Variants in ANXA10 observed in about 807,000 individuals in gnomAD.
ANXA10 encodes annexin 14.
A neutral mutation model predicts 53.5 loss-of-function variants in ANXA10; 49 were observed. The observed-to-expected ratio is 0.92, with a 90% CI of 0.73 to 1.16. The LOEUF (loss-of-function observed/expected upper bound fraction) is 1.16, where lower values mean the gene tolerates loss of function less well. ANXA10 is among the 50% of genes most tolerant of loss of function. The probability of loss-of-function intolerance (pLI) is 0.00; values close to 1 mark genes in which losing one functional copy is unlikely to be tolerated. For synonymous variants in ANXA10, 131 were observed against 128.9 expected (o/e 1.02, Z -0.11); for missense variants, 393 against 394.4 (o/e 1.00, Z 0.03).
chr4:168,107,187 T>A (rs1223848852), intron 1 of ANXA10, among the ~76,000 whole-genome samples: 1 of 152,166 alleles, frequency 6.6e-6, no homozygotes, highest in African/African-American at 2.4e-5. Context: ...ATGGATTTAC[T>A]TGATTACAAA....
At chr4:168,184,880 C>T (rs1012519386) in intron 11 of ANXA10, among the ~76,000 whole-genome samples, 199 bp downstream of exon 11, 1 of 152,124 alleles carries the variant, frequency 6.6e-6, no homozygotes, top group Non-Finnish European at 1.5e-5. Flanking sequence ...CTCAGCTGGG[C>T]GTGGTGGCTA....
intron 3 of ANXA10, among the ~76,000 whole-genome samples, chr4:168,155,645 T>TATATATTATAAATATATATAATTATATA (rs1731611570): frequency 3.3e-5 from 2 of 60,650 alleles, no homozygotes; most frequent in African/African-American, 1.3e-4. Context: ...TATATATAAT[T>TATATATTATAAATATATATAATTATATA]ATACATTATA....
In ANXA10 at chr4:168,143,626, G is replaced by T. The variant is rs557849410; in HGVS notation, c.195+4046G>T. 9.2e-5 allele frequency among the ~76,000 whole-genome samples: 14 copies of T among 152,338 alleles called. No homozygotes were observed. In the East Asian group the frequency reaches 2.7e-3, roughly 29 times the overall value. ...ACCAAGGGAACAATGAAATGCCCTT[G>T]TGAATGGGGAGAAGAATAAACAGAC... On this transcript the variant is annotated intron_variant, in intron 3 of 11. Transcript: ENST00000359299.
chr4:168,153,603 C>G (rs867397311), intron 3 of ANXA10, among the ~76,000 whole-genome samples: 3 of 152,028 alleles, frequency 2.0e-5, no homozygotes, highest in African/African-American at 7.2e-5. Context: ...AACAACCTAA[C>G]TAATCATGTT....
intron 3 of ANXA10, among the ~76,000 whole-genome samples, 156 bp from the exon 4 acceptor site, chr4:168,162,372 T>C (rs950793665): frequency 6.6e-6 from 1 of 152,188 alleles, no homozygotes; most frequent in African/African-American, 2.4e-5. Flanking sequence ...GTTCATCATC[T>C]CATGTAATGC....
At chr4:168,116,495 G>T (rs1730895915) in intron 1 of ANXA10, among the ~76,000 whole-genome samples, 1 of 152,078 alleles carries the variant, frequency 6.6e-6, no homozygotes, top group Non-Finnish European at 1.5e-5. Context: ...CAGAAGTATG[G>T]TGTTTATTAT....
chr4:168,106,063 CA>C (rs1201021632), intron 1 of ANXA10, among the ~76,000 whole-genome samples: 1 of 151,916 alleles, frequency 6.6e-6, no homozygotes, highest in Non-Finnish European at 1.5e-5. Flanking sequence ...GCATAGTTTG[CA>C]AAAGTTTCTC....
At chr4:168,163,593 A>C (rs575348981) in intron 4 of ANXA10, among the ~76,000 whole-genome samples, 8 of 152,312 alleles carry the variant, frequency 5.3e-5, no homozygotes, top group Non-Finnish European at 1.0e-4. Flanking sequence ...GTTTTGATTA[A>C]ACAAGTGTGT....
chr4:168,114,419 T>C (rs936279132), intron 1 of ANXA10, among the ~76,000 whole-genome samples: 2 of 152,238 alleles, frequency 1.3e-5, no homozygotes, highest in Non-Finnish European at 2.9e-5. Flanking sequence ...TTAACAATTA[T>C]CTTACTCATT....
chr4:168,148,938 A>G (rs1578916623), intron 3 of ANXA10, among the ~76,000 whole-genome samples: 1 of 152,094 alleles, frequency 6.6e-6, no homozygotes, highest in Admixed American at 6.5e-5. Flanking sequence ...TTTCCCCTAC[A>G]TCTTTGCAAA....
chr4:168,125,218 T>G (rs1731049304), intron 1 of ANXA10, among the ~76,000 whole-genome samples: 1 of 152,162 alleles, frequency 6.6e-6, no homozygotes, highest in Non-Finnish European at 1.5e-5. Flanking sequence ...GCTCCAAAGT[T>G]AAGTCAATGC....
At chr4:168,138,897 T>C (rs1389440792) in intron 2 of ANXA10, among the ~76,000 whole-genome samples, 1 of 152,172 alleles carries the variant, frequency 6.6e-6, no homozygotes, top group Non-Finnish European at 1.5e-5. Flanking sequence ...CTCAGCTTGA[T>C]TGTTTTTGGT....
At chr4:168,149,695 T>C (rs1731465769) in intron 3 of ANXA10, among the ~76,000 whole-genome samples, 1 of 152,198 alleles carries the variant, frequency 6.6e-6, no homozygotes, top group African/African-American at 2.4e-5. Flanking sequence ...TTCATGATGA[T>C]TTCTCTTCAT....
At chr4:168,108,847 C>G (rs1730757322) in intron 1 of ANXA10, among the ~76,000 whole-genome samples, 1 of 152,158 alleles carries the variant, frequency 6.6e-6, no homozygotes, top group Non-Finnish European at 1.5e-5. Context: ...TTTATGCTGA[C>G]ATCACCACCC....
rs76475184 is a variant in ANXA10 at position 168,098,607 on chromosome 4, G to A, written c.18+5889G>A. ...TCTTCTAAATAGTCTCCAGCTATTT[G>A]TAATACTTTACTCATAGCTTTTGGA... is the stretch of plus-strand genomic sequence containing the variant. On this transcript the variant is annotated intron_variant, in intron 1 of 11. Transcript: ENST00000359299. 4.8e-3 allele frequency among the ~76,000 whole-genome samples: 733 copies of A among 152,194 alleles called. 9 individuals carry two copies. Among genetic ancestry groups the A allele is most frequent in the African/African-American group, 0.016 (675 of 41,526 alleles).
At chr4:168,173,475 G>C (rs1306427565) in intron 6 of ANXA10, among the ~76,000 whole-genome samples, 1 of 152,174 alleles carries the variant, frequency 6.6e-6, no homozygotes, top group Non-Finnish European at 1.5e-5. Context: ...ATTCACAATA[G>C]CTGCTATATT....
At chr4:168,157,333 TCTCGGC>T (rs777417972) in intron 3 of ANXA10, among the ~76,000 whole-genome samples, 4 of 152,212 alleles carry the variant, frequency 2.6e-5, no homozygotes, top group Admixed American at 6.5e-5. Flanking sequence ...AGTGGCATGA[TCTCGGC>T]TCACTGCAAC....
At chr4:168,096,561 C>G (rs546371408) in intron 1 of ANXA10, among the ~76,000 whole-genome samples, 19 of 152,130 alleles carry the variant, frequency 1.2e-4, no homozygotes, top group African/African-American at 4.6e-4. Context: ...GCTGGGCAAA[C>G]ATCACTGTAG....
At chr4:168,160,466 C>CA in intron 3 of ANXA10, among the ~76,000 whole-genome samples, 1 of 152,132 alleles carries the variant, frequency 6.6e-6, no homozygotes, top group Admixed American at 6.6e-5. Flanking sequence ...TATCATTGGG[C>CA]ATTTAGGCTG....
Sources: allele counts gnomAD v4.1 joint callset (sites outside exome capture counted in the v4.1 genomes callset), GRCh38; gene constraint gnomAD v4.1.1; transcripts MANE v1.5; gene names NCBI Gene and HGNC (gene_info 2026-07-23, HGNC 2026-07-21).